GMDS: variants seen among roughly 807,000 people sequenced by gnomAD.
GMDS encodes GDP-mannose 4,6-dehydratase, also known as GDP-mannose 4,6 dehydratase.
Under a neutral mutation model 49.9 loss-of-function variants are expected in GMDS, and 20 were observed. The observed-to-expected ratio is 0.40, with a 90% CI of 0.28 to 0.58. The LOEUF (loss-of-function observed/expected upper bound fraction) is 0.58. Among genes scored for constraint, GMDS ranks in the 20% least tolerant of loss-of-function variants. GMDS has a pLI of 0.42. For missense variants in GMDS, 362 were observed against 481.4 expected (o/e 0.75, Z 2.32); for synonymous variants, 177 against 178.6 (o/e 0.99, Z 0.07).
At chr6:1,719,948 T>C (rs1766316189) in intron 9 of GMDS, among the ~76,000 whole-genome samples, 1 of 152,152 alleles carries the variant, frequency 6.6e-6, no homozygotes, top group African/African-American at 2.4e-5. Flanking sequence ...GATAGCTTTA[T>C]GGAAAAAAGG....
chr6:1,845,883 A>G (rs1476725092), intron 7 of GMDS, among the ~76,000 whole-genome samples: 2 of 151,816 alleles, frequency 1.3e-5, no homozygotes, highest in African/African-American at 4.8e-5. Context: ...CAGGCCATGG[A>G]CCAGTACTGG....
chr6:2,066,983 A>G (rs978229920), intron 4 of GMDS, among the ~76,000 whole-genome samples: 8 of 151,756 alleles, frequency 5.3e-5, no homozygotes, highest in East Asian at 3.9e-4. Context: ...ACCACACCAC[A>G]CCTATTCCAA....
At chr6:2,007,341 C>T (rs1454978815) in intron 4 of GMDS, among the ~76,000 whole-genome samples, 4 of 152,080 alleles carry the variant, frequency 2.6e-5, no homozygotes, top group Admixed American at 6.5e-5. Flanking sequence ...TTAAAACATG[C>T]CATTCTTTCA....
At chr6:1,698,435 C>T (rs930228431) in intron 9 of GMDS, among the ~76,000 whole-genome samples, 13 of 152,210 alleles carry the variant, frequency 8.5e-5, no homozygotes, top group African/African-American at 2.7e-4. Context: ...ATCCTCCCTC[C>T]CTGCAAATAG....
intron 7 of GMDS, among the ~76,000 whole-genome samples, chr6:1,873,579 A>G (rs890123240): frequency 6.6e-6 from 1 of 152,250 alleles, no homozygotes; most frequent in Admixed American, 6.5e-5. Context: ...CACAATATTC[A>G]GGCAGCACTG....
intron 8 of GMDS, among the ~76,000 whole-genome samples, chr6:1,738,117 C>A (rs543871759): frequency 6.8e-6 from 1 of 146,276 alleles, no homozygotes; most frequent in South Asian, 2.2e-4. Context: ...TACACACACA[C>A]CACACACCCA....
chr6:2,064,083 C>A (rs1237371585), intron 4 of GMDS, among the ~76,000 whole-genome samples: 2 of 152,080 alleles, frequency 1.3e-5, no homozygotes, highest in Non-Finnish European at 2.9e-5. Context: ...GAAAAGAGAT[C>A]TCACACATTT....
chr6:2,229,295 T>G (rs1581830208), intron 1 of GMDS, among the ~76,000 whole-genome samples: 2 of 151,346 alleles, frequency 1.3e-5, no homozygotes, highest in East Asian at 1.9e-4. Flanking sequence ...CCATGGGCTG[T>G]GCATGGTGAT....
chr6:2,074,636 C>T (rs1772216136), intron 4 of GMDS, among the ~76,000 whole-genome samples: 2 of 152,138 alleles, frequency 1.3e-5, no homozygotes, highest in Admixed American at 6.6e-5. Flanking sequence ...AGTTTTACAG[C>T]TTTGGGTCTT....
intron 7 of GMDS, among the ~76,000 whole-genome samples, chr6:1,856,518 ATT>A (rs1203731513): frequency 6.6e-6 from 1 of 152,234 alleles, no homozygotes; most frequent in Non-Finnish European, 1.5e-5. Flanking sequence ...CCCAATTTGC[ATT>A]TTAATAGTCT....
At chr6:2,117,209 G>A (rs1581673032) in intron 3 of GMDS, among the ~76,000 whole-genome samples, 1 of 152,310 alleles carries the variant, frequency 6.6e-6, no homozygotes, top group Non-Finnish European at 1.5e-5. Flanking sequence ...GGTGATCAAA[G>A]GCATGCCCTT....
chr6:2,125,271 C>G (rs1775356258), intron 1 of GMDS, among the ~76,000 whole-genome samples: 1 of 136,560 alleles, frequency 7.3e-6, no homozygotes, highest in Non-Finnish European at 1.5e-5. Flanking sequence ...GACCTTAGCA[C>G]TGTTAAAACA....
chr6:1,911,290 T>C (rs188155051), intron 7 of GMDS, among the ~76,000 whole-genome samples: 40 of 152,352 alleles, frequency 2.6e-4, no homozygotes, highest in African/African-American at 9.1e-4. Flanking sequence ...CCATTAATAC[T>C]GGATGTTGAG....
intron 7 of GMDS, among the ~76,000 whole-genome samples, chr6:1,773,209 T>C (rs1201978069): frequency 1.4e-5 from 2 of 144,476 alleles, no homozygotes; most frequent in African/African-American, 2.9e-5. Context: ...TTTTTTTTTT[T>C]TAACTTTAAG....
intron 1 of GMDS, among the ~76,000 whole-genome samples, chr6:2,145,470 G>A (rs926926459): frequency 6.6e-6 from 1 of 151,938 alleles, no homozygotes; most frequent in Non-Finnish European, 1.5e-5. Context: ...CCCAGGAGAT[G>A]GAGGTTGCAG....
At chr6:1,648,019 G>A (rs957665240) in intron 9 of GMDS, among the ~76,000 whole-genome samples, 36 of 152,256 alleles carry the variant, frequency 2.4e-4, no homozygotes, top group Middle Eastern at 3.4e-3. Flanking sequence ...GACGGTAAAG[G>A]AACTCGGTCT....
intron 4 of GMDS, among the ~76,000 whole-genome samples, chr6:2,021,844 G>A (rs1017574150): frequency 6.6e-6 from 1 of 152,228 alleles, no homozygotes; most frequent in African/African-American, 2.4e-5. Flanking sequence ...TGGTGGGGTG[G>A]CAAGGAGCCA....
At chr6:2,240,552 C>T (rs940603425) in intron 1 of GMDS, among the ~76,000 whole-genome samples, 1 of 147,574 alleles carries the variant, frequency 6.8e-6, no homozygotes, top group African/African-American at 2.5e-5. Context: ...TGCAGTAAAC[C>T]GAGGTCACGT....
At chr6:1,734,207 C>T (rs962740437) in intron 8 of GMDS, among the ~76,000 whole-genome samples, 1 of 152,110 alleles carries the variant, frequency 6.6e-6, no homozygotes, top group Non-Finnish European at 1.5e-5. Context: ...GATAATTATT[C>T]TAAGTAAGGG....
Sources: gnomAD v4.1 joint callset for allele counts (sites outside exome capture counted in the v4.1 genomes callset) on GRCh38, gnomAD v4.1.1 for gene constraint, MANE v1.5 for transcripts, NCBI Gene and HGNC (gene_info 2026-07-23, HGNC 2026-07-21) for gene names.